DPYD: variants seen among roughly 807,000 people sequenced by gnomAD.
DPYD encodes the protein dihydropyrimidine dehydrogenase, also known as dihydropyrimidine dehydrogenase [NADP(+)].
A neutral mutation model predicts 116.2 loss-of-function variants in DPYD; 109 were observed. The observed-to-expected ratio is 0.94, with a 90% confidence interval of 0.80 to 1.10. DPYD has a LOEUF of 1.10. Ranked by LOEUF, DPYD falls within the 50% of genes least tolerant of loss-of-function variation. DPYD has a pLI of 0.00. For synonymous variants in DPYD, 440 were observed against 432.0 expected (o/e 1.02, Z -0.23); for missense variants, 1,302 against 1,254.5 (o/e 1.04, Z -0.57).
At chr1:97,735,066 T>G (rs1032926662) in intron 4 of DPYD, among the ~76,000 whole-genome samples, 7 of 152,180 alleles carry the variant, frequency 4.6e-5, no homozygotes, top group Admixed American at 2.6e-4. Flanking sequence ...TCTTGGTGAC[T>G]CGAAAAAAAA....
At chr1:97,665,029 C>T (rs1044423809) in intron 8 of DPYD, among the ~76,000 whole-genome samples, 1 of 152,054 alleles carries the variant, frequency 6.6e-6, no homozygotes, top group African/African-American at 2.4e-5. Context: ...GAGATTAATA[C>T]TCTGTCTTTT....
intron 12 of DPYD, among the ~76,000 whole-genome samples, chr1:97,522,393 T>C (rs1466744319): frequency 1.3e-5 from 2 of 152,094 alleles, no homozygotes; most frequent in Non-Finnish European, 1.5e-5. Flanking sequence ...TGACCAAACA[T>C]ATCTTAACCA....
At chr1:97,369,702 A>G (rs1463072428) in intron 16 of DPYD, among the ~76,000 whole-genome samples, 1 of 152,184 alleles carries the variant, frequency 6.6e-6, no homozygotes, top group African/African-American at 2.4e-5. Context: ...AAGCCGAATG[A>G]TATTTTCACC....
chr1:97,455,432 T>C (rs762939017), intron 13 of DPYD, among the ~76,000 whole-genome samples: 1 of 151,860 alleles, frequency 6.6e-6, no homozygotes, highest in African/African-American at 2.4e-5. Flanking sequence ...AAACTAGGAG[T>C]TCAAAAATTA....
At chr1:97,832,044 ATT>A (rs1491266696) in intron 2 of DPYD, among the ~76,000 whole-genome samples, 5 of 59,534 alleles carry the variant, frequency 8.4e-5, no homozygotes, top group African/African-American at 2.6e-4. Flanking sequence ...TATATAATGT[ATT>A]GTGTGTGTGT....
At chr1:97,696,012 C>T (rs2100963027) in intron 6 of DPYD, among the ~76,000 whole-genome samples, 1 of 151,892 alleles carries the variant, frequency 6.6e-6, no homozygotes, top group East Asian at 1.9e-4. Flanking sequence ...TGCCTGTAGT[C>T]CCAGCTACTT....
intron 3 of DPYD, among the ~76,000 whole-genome samples, chr1:97,791,772 G>C (rs1471472486): frequency 6.6e-6 from 1 of 152,140 alleles, no homozygotes; most frequent in African/African-American, 2.4e-5. Flanking sequence ...CCTGTCTAAA[G>C]CTATTCTGAT....
At chr1:97,863,178 G>C (rs977191597) in intron 2 of DPYD, among the ~76,000 whole-genome samples, 1 of 151,846 alleles carries the variant, frequency 6.6e-6, no homozygotes, top group Admixed American at 6.6e-5. Context: ...AGAGGAACAT[G>C]ACCTAGGCCA....
At chr1:97,762,073 G>T (rs1158932517) in intron 3 of DPYD, among the ~76,000 whole-genome samples, 1 of 152,010 alleles carries the variant, frequency 6.6e-6, no homozygotes, top group African/African-American at 2.4e-5. Flanking sequence ...TACTACTTGG[G>T]TGACAAAATA....
intron 8 of DPYD, among the ~76,000 whole-genome samples, chr1:97,665,953 A>C (rs1659534342): frequency 6.6e-6 from 1 of 152,228 alleles, no homozygotes; most frequent in South Asian, 2.1e-4. Flanking sequence ...GCAGAACAAT[A>C]AAGTGAAAAG....
chr1:97,361,928 C>T (rs1053583274), intron 16 of DPYD, among the ~76,000 whole-genome samples: 7 of 152,128 alleles, frequency 4.6e-5, no homozygotes, highest in Non-Finnish European at 8.8e-5. Flanking sequence ...ACTCCTATTA[C>T]ACATAGTGTT....
chr1:97,571,274 T>A (rs936237935), intron 11 of DPYD, among the ~76,000 whole-genome samples: 1 of 152,006 alleles, frequency 6.6e-6, no homozygotes, highest in Non-Finnish European at 1.5e-5. Flanking sequence ...AACAAGAATA[T>A]GCTCTAGTTT....
At chr1:97,124,699 C>T (rs1353220378) in intron 20 of DPYD, among the ~76,000 whole-genome samples, 1 of 152,110 alleles carries the variant, frequency 6.6e-6, no homozygotes, top group Non-Finnish European at 1.5e-5. Flanking sequence ...TTAGATGCTA[C>T]TAAAATTTTC....
chr1:97,306,396 C>A, intron 16 of DPYD, 99 bp from the exon 17 acceptor site: 1 of 1,478,796 alleles, frequency 6.8e-7, no homozygotes, highest in Non-Finnish European at 9.4e-7. Flanking sequence ...CAAGACAAAT[C>A]CAACTTGACA....
At chr1:97,493,278 C>G (rs147283389) in intron 13 of DPYD, among the ~76,000 whole-genome samples, 1 of 152,296 alleles carries the variant, frequency 6.6e-6, no homozygotes, top group African/African-American at 2.4e-5. Flanking sequence ...GCAGAGAGCA[C>G]TGGAGAGAGG....
chr1:97,305,896 C>CTG (rs1159252280), intron 17 of DPYD, among the ~76,000 whole-genome samples: 1 of 151,790 alleles, frequency 6.6e-6, no homozygotes, highest in Non-Finnish European at 1.5e-5. Flanking sequence ...GACGGGTTTG[C>CTG]TGTGACTGTG....
intron 1 of DPYD, among the ~76,000 whole-genome samples, chr1:97,902,371 C>T (rs181445698): frequency 4.6e-5 from 7 of 151,842 alleles, no homozygotes; most frequent in Admixed American, 2.6e-4. Context: ...GATAAGAAAC[C>T]ATACTTGAAA....
chr1:97,557,315 T>TC (rs1206608871), intron 11 of DPYD, among the ~76,000 whole-genome samples: 2 of 139,878 alleles, frequency 1.4e-5, no homozygotes, highest in African/African-American at 2.7e-5. Flanking sequence ...TTTCTTTTTT[T>TC]TTTTTTTTTT....
At chr1:97,565,776 G>C (rs187685614) in intron 11 of DPYD, among the ~76,000 whole-genome samples, 9 of 152,130 alleles carry the variant, frequency 5.9e-5, no homozygotes, top group Admixed American at 5.2e-4. Flanking sequence ...TGCCTGAGTA[G>C]TGCCTGGAAC....
Sources: allele counts gnomAD v4.1 joint callset (sites outside exome capture counted in the v4.1 genomes callset), GRCh38; gene constraint gnomAD v4.1.1; transcripts MANE v1.5; gene names NCBI Gene and HGNC (gene_info 2026-07-23, HGNC 2026-07-21).